Variants in DOCK1 observed in about 807,000 individuals in gnomAD.
DOCK1 encodes the protein dedicator of cytokinesis 1.
Under a neutral mutation model 262.7 loss-of-function variants are expected in DOCK1, and 138 were observed. The observed-to-expected ratio is 0.53, with a 90% CI of 0.46 to 0.61. The LOEUF is 0.61. Ranked by LOEUF, DOCK1 falls within the 20% of genes least tolerant of loss-of-function variation. The pLI is 0.00. For synonymous variants in DOCK1, 866 were observed against 867.4 expected, an observed-to-expected ratio of 1.00 and a Z score of 0.03; for missense variants, 1,908 against 2,370.7, an observed-to-expected ratio of 0.80 and a Z score of 4.05.
At chr10:126,927,955 G>A (rs1054061367) in intron 1 of DOCK1, among the ~76,000 whole-genome samples, 4 of 152,140 alleles carry the variant, frequency 2.6e-5, no homozygotes, top group Admixed American at 6.5e-5. Context: ...TGCCGTGCAG[G>A]TGAGGGGCAC....
intron 27 of DOCK1, among the ~76,000 whole-genome samples, chr10:127,207,010 T>A (rs942986526): frequency 1.3e-5 from 2 of 152,100 alleles, no homozygotes; most frequent in African/African-American, 4.8e-5. Flanking sequence ...TGCTTTTGAG[T>A]TTTTTCTTGG....
intron 27 of DOCK1, among the ~76,000 whole-genome samples, chr10:127,191,105 C>A (rs886979866): frequency 6.6e-6 from 1 of 152,142 alleles, no homozygotes; most frequent in Admixed American, 6.5e-5. Flanking sequence ...GCCCTGAGCA[C>A]CCTACCACTT....
At chr10:126,959,701 A>G (rs2037042172) in intron 1 of DOCK1, among the ~76,000 whole-genome samples, 1 of 152,320 alleles carries the variant, frequency 6.6e-6, no homozygotes, top group African/African-American at 2.4e-5. Flanking sequence ...CATTTGTTCA[A>G]GTGAAATAGA....
intron 1 of DOCK1, among the ~76,000 whole-genome samples, chr10:126,961,404 A>G (rs1487215959): frequency 1.3e-5 from 2 of 152,184 alleles, no homozygotes; most frequent in Non-Finnish European, 2.9e-5. Flanking sequence ...CCTGGCCAAC[A>G]TAGAGAAGCG....
intron 38 of DOCK1, among the ~76,000 whole-genome samples, chr10:127,387,140 C>T (rs11017775): frequency 3.3e-5 from 5 of 152,060 alleles, no homozygotes; most frequent in Non-Finnish European, 7.4e-5. Flanking sequence ...TGGCTGTTGC[C>T]GGGCTCTCTT....
At chr10:126,935,758 T>A (rs2034520107) in intron 1 of DOCK1, among the ~76,000 whole-genome samples, 1 of 152,242 alleles carries the variant, frequency 6.6e-6, no homozygotes, top group Admixed American at 6.5e-5. Flanking sequence ...AATACTGCCT[T>A]GGGATCGCCT....
At position 127,419,636 on chromosome 10, in the gene DOCK1, G is replaced by A. The variant is rs763319513; in HGVS notation, c.4693-30G>A. On this transcript the variant is annotated intron_variant, in intron 45 of 51. Transcript: ENST00000623213. ...AAAAACCTGTGTTTGCTGAGCAGGT[G>A]CACTGAGCAACTCTCCTTGTCTCCA... 6 of 1,575,170 alleles carry A rather than the reference G, an allele frequency of 3.8e-6. No individual in the cohort carries two copies. In the East Asian group the frequency reaches 1.4e-4, roughly 37 times the overall value.
At chr10:127,321,934 C>A (rs960708165) in intron 29 of DOCK1, among the ~76,000 whole-genome samples, 1 of 151,882 alleles carries the variant, frequency 6.6e-6, no homozygotes, top group African/African-American at 2.4e-5. Flanking sequence ...GAAACCCTGT[C>A]CCTACAAAAA....
rs780320940 is a variant in DOCK1 at position 127,032,324 on chromosome 10, C to T, written c.1912+4C>T. On this transcript the variant is annotated splice_donor_region_variant and intron_variant, in intron 18 of 51. Transcript: ENST00000623213. Reference sequence around the variant, plus strand: ...TCCACCAAACTGACTCAGAACGGTGCGTTCGAGAGGAGAAACACACTCACC... The same window carrying T: ...TCCACCAAACTGACTCAGAACGGTGTGTTCGAGAGGAGAAACACACTCACC... 7.9e-6 allele frequency: 12 copies of T among 1,524,390 alleles called. No individual in the cohort carries two copies. The highest frequency in any genetic ancestry group is 1.8e-4 in the Middle Eastern group (1 of 5,700). The allele number at this position is 1,524,390 out of a possible 1,614,324, so 94.4% of individuals were successfully genotyped here.
chr10:127,259,886 G>A (rs1449271584), intron 29 of DOCK1, among the ~76,000 whole-genome samples: 1 of 149,758 alleles, frequency 6.7e-6, no homozygotes, highest in Non-Finnish European at 1.5e-5. Context: ...TCCTCCTGCC[G>A]CCAACCCTGC....
intron 23 of DOCK1, among the ~76,000 whole-genome samples, chr10:127,072,130 C>T (rs1321295921): frequency 6.6e-6 from 1 of 152,184 alleles, no homozygotes; most frequent in African/African-American, 2.4e-5. Flanking sequence ...TGCCAGTGAG[C>T]CCCTTTCTCC....
At chr10:127,025,007 C>T in intron 15 of DOCK1, 1 of 419,832 alleles carries the variant, frequency 2.4e-6, no homozygotes, top group Non-Finnish European at 4.3e-6. Flanking sequence ...TTCATGGAGA[C>T]AAATGACAGA....
Position 127,125,486 on chromosome 10 carries a change from T to A in DOCK1, c.2636T>A (p.Ile879Asn). 1 of 1,613,138 alleles carries A rather than the reference T, an allele frequency of 6.2e-7. No homozygotes were observed. Among genetic ancestry groups the A allele is most frequent in the Non-Finnish European group, 8.5e-7 (1 of 1,179,808 alleles). Residue 879 changes from isoleucine to asparagine, a missense_variant, in exon 26 of 52, where the codon ATC (isoleucine) becomes AAC (asparagine). Transcript: ENST00000623213. Reference protein sequence around the residue: ...DLFTQHDCREILLPMMTDQLK... With the variant: ...DLFTQHDCRENLLPMMTDQLK... ...GTGTCCTGTGTAGACTGCAGAGAGATCCTGCTTCCCATGATGACCGATCAG... is the reference window on the plus strand; with the variant it reads ...GTGTCCTGTGTAGACTGCAGAGAGAACCTGCTTCCCATGATGACCGATCAG...
intron 23 of DOCK1, among the ~76,000 whole-genome samples, chr10:127,094,821 G>A (rs191616103): frequency 1.3e-5 from 2 of 152,238 alleles, no homozygotes; most frequent in Non-Finnish European, 2.9e-5. Context: ...GAACTGGACC[G>A]TTTTCCTGTC....
At chr10:126,981,868 C>T in intron 3 of DOCK1, 50 bp from the exon 4 acceptor site, 2 of 1,575,066 alleles carry the variant, frequency 1.3e-6, no homozygotes, top group Non-Finnish European at 1.7e-6. Flanking sequence ...GATTTACATT[C>T]AGCAATCCTA....
chr10:126,951,422 G>A (rs1250149305), intron 1 of DOCK1, among the ~76,000 whole-genome samples: 2 of 151,382 alleles, frequency 1.3e-5, no homozygotes, highest in African/African-American at 2.4e-5. Flanking sequence ...AGTGATAGTG[G>A]TGGTGGTAGT....
At chr10:127,210,301 G>A (rs937280910) in intron 27 of DOCK1, among the ~76,000 whole-genome samples, 1 of 152,186 alleles carries the variant, frequency 6.6e-6, no homozygotes, top group Non-Finnish European at 1.5e-5. Context: ...AGGAAGAATG[G>A]CCCCTGCTTG....
chr10:127,406,805 C>G (rs991005187), intron 40 of DOCK1, among the ~76,000 whole-genome samples: 1 of 152,146 alleles, frequency 6.6e-6, no homozygotes, highest in African/African-American at 2.4e-5. Flanking sequence ...GTGTTTTTAC[C>G]TATAACTCAC....
At chr10:127,383,356 T>C (rs916318923) in intron 37 of DOCK1, among the ~76,000 whole-genome samples, 17 of 152,238 alleles carry the variant, frequency 1.1e-4, no homozygotes, top group Admixed American at 1.1e-3. Flanking sequence ...TTGCTTGTTC[T>C]TAATTTATTT....
Sources: allele counts gnomAD v4.1 joint callset (sites outside exome capture counted in the v4.1 genomes callset), GRCh38; gene constraint gnomAD v4.1.1; transcripts MANE v1.5; gene names NCBI Gene and HGNC (gene_info 2026-07-23, HGNC 2026-07-21).